Variants in VWA8 observed in about 807,000 individuals in gnomAD.
The protein encoded by VWA8 is von Willebrand factor A domain-containing protein 8.
In VWA8, 221 loss-of-function variants were observed where a neutral mutation model predicts 241.5. The ratio of observed to expected loss-of-function variants is 0.91; its 90% CI spans 0.82 to 1.02. The LOEUF (loss-of-function observed/expected upper bound fraction) is 1.02. VWA8 is among the 50% of genes least tolerant of loss of function. The pLI, the probability that VWA8 is intolerant of heterozygous loss-of-function variation, is 0.00. For synonymous variants in VWA8, 852 were observed against 827.1 expected (o/e 1.03, Z -0.52); for missense variants, 2,322 against 2,328.7 (o/e 1.00, Z 0.06).
At chr13:41,758,753 C>A (rs1414547251) in intron 21 of VWA8, among the ~76,000 whole-genome samples, 1 of 150,990 alleles carries the variant, frequency 6.6e-6, no homozygotes, top group African/African-American at 2.4e-5. Flanking sequence ...TTCTCCTAAT[C>A]ATGAGAAAAA....
chr13:41,933,290 T>C (rs539763717), intron 2 of VWA8, among the ~76,000 whole-genome samples: 6 of 152,034 alleles, frequency 3.9e-5, no homozygotes, highest in African/African-American at 1.4e-4. Flanking sequence ...CTGAAAACAA[T>C]ACAACATTGC....
At position 41,642,491 on chromosome 13, in the gene VWA8, G is replaced by A. The variant is rs186594833; in HGVS notation, c.4612-27407C>T. ...AGAGAATCGCTTGAACCTGGGAGGC[G>A]GAGACTACAGTGAGCCGAGATGGCG... On this transcript the variant is annotated intron_variant, in intron 37 of 44. Transcript: ENST00000379310. 2.8e-3 allele frequency among the ~76,000 whole-genome samples: 425 copies of A among 150,450 alleles called. 1 individual carries two copies. Among genetic ancestry groups the A allele is most frequent in the Non-Finnish European group, 4.8e-3 (326 of 67,674 alleles).
Position 41,819,396 on chromosome 13 carries a change from G to GA in VWA8, c.1701-11dup, listed in dbSNP as rs563984703. On this transcript the variant is annotated splice_polypyrimidine_tract_variant and intron_variant, in intron 14 of 44. Transcript: ENST00000379310. ...GATAGGAAAAATGGATCTAAAATAGGAAAAAAAATGAAAAAAAATAACATA... is the reference window on the plus strand; with the variant it reads ...GATAGGAAAAATGGATCTAAAATAGGAAAAAAAAATGAAAAAAAATAACATA... 2.9e-4 allele frequency: 460 copies of GA among 1,577,966 alleles called. 5 individuals are homozygous for GA. In the South Asian group the frequency reaches 5.0e-3, roughly 17 times the overall value.
At chr13:41,916,347 T>A (rs76648162) in intron 2 of VWA8, among the ~76,000 whole-genome samples, 1 of 152,346 alleles carries the variant, frequency 6.6e-6, no homozygotes, top group African/African-American at 2.4e-5. Flanking sequence ...TGTTCTACAG[T>A]CCCTCCAAAA....
At chr13:41,672,017 G>A (rs936749814) in intron 36 of VWA8, among the ~76,000 whole-genome samples, 1 of 152,090 alleles carries the variant, frequency 6.6e-6, no homozygotes, top group Admixed American at 6.6e-5. Context: ...GCATTTTCCT[G>A]TATTTCCTGA....
At chr13:41,922,313 C>T (rs913373903) in intron 2 of VWA8, among the ~76,000 whole-genome samples, 2 of 152,194 alleles carry the variant, frequency 1.3e-5, no homozygotes, top group Non-Finnish European at 2.9e-5. Context: ...AAATGTTAGA[C>T]CTAAAACCAT....
chr13:41,855,638 T>C (rs955191252), intron 12 of VWA8, among the ~76,000 whole-genome samples: 2 of 151,928 alleles, frequency 1.3e-5, no homozygotes, highest in African/African-American at 4.8e-5. Context: ...CTAATGGGGA[T>C]AGAAAGCAGT....
intron 34 of VWA8, among the ~76,000 whole-genome samples, chr13:41,688,908 C>T (rs1431405348): frequency 6.6e-6 from 1 of 152,002 alleles, no homozygotes; most frequent in Non-Finnish European, 1.5e-5. Context: ...ACCATCTGTA[C>T]AACAAACTCC....
chr13:41,605,236 A>T lies in VWA8; in HGVS notation c.4918T>A (p.Tyr1640Asn). 4 of 1,613,198 alleles carry T rather than the reference A, an allele frequency of 2.5e-6. No homozygotes were observed. Among genetic ancestry groups the T allele is most frequent in the African/African-American group, 1.3e-5 (1 of 74,982 alleles). ...IQMSEYDAAT[Y>N]ERFSGAVRRQ... ...CGAACAGCACCTGAAAACCTTTCAT[A>T]GGTTGCAGCATCGTATTCACTCATT... Residue 1640 changes from tyrosine to asparagine, a missense_variant, in exon 40 of 45, where the codon TAT becomes AAT. By Grantham distance (143) the Tyr-to-Asn change is moderately radical. Transcript: ENST00000379310.
intron 22 of VWA8, among the ~76,000 whole-genome samples, chr13:41,730,299 C>T (rs752437792): frequency 2.0e-5 from 3 of 151,916 alleles, no homozygotes; most frequent in Non-Finnish European, 4.4e-5. Flanking sequence ...TGGGTGTCTA[C>T]CACTAAGGGT....
At position 41,745,612 on chromosome 13, in the gene VWA8, T is replaced by C. The variant is rs532692306; in HGVS notation, c.2427-13457A>G. Among the ~76,000 whole-genome samples the C allele has an allele frequency of 1.6e-4, 24 of 152,270 alleles. No individual in the cohort carries two copies. In the South Asian group the frequency reaches 2.9e-3, roughly 18 times the overall value. ...GCCAACAGACACATGAAAAAATGCT[T>C]ATCATCACTGATCATCAGAGAAATG... On this transcript the variant is annotated intron_variant, in intron 21 of 44. Transcript: ENST00000379310.
At chr13:41,712,976 G>T (rs981362024) in intron 26 of VWA8, among the ~76,000 whole-genome samples, 1 of 152,184 alleles carries the variant, frequency 6.6e-6, no homozygotes, top group Non-Finnish European at 1.5e-5. Context: ...ATATGTTTAT[G>T]TTGACACCTA....
At chr13:41,665,811 G>A (rs988299723) in intron 37 of VWA8, among the ~76,000 whole-genome samples, 2 of 151,814 alleles carry the variant, frequency 1.3e-5, no homozygotes, top group East Asian at 1.9e-4. Flanking sequence ...ATTATCCTAC[G>A]GCCTGTCTTG....
At chr13:41,718,359 A>G (rs1463631937) in intron 26 of VWA8, among the ~76,000 whole-genome samples, 1 of 152,054 alleles carries the variant, frequency 6.6e-6, no homozygotes, top group East Asian at 1.9e-4. Flanking sequence ...AATTTGTTAT[A>G]CCCATTAAAT....
chr13:41,846,809 G>T (rs1308270258), intron 12 of VWA8, among the ~76,000 whole-genome samples: 1 of 152,200 alleles, frequency 6.6e-6, no homozygotes, highest in Non-Finnish European at 1.5e-5. Flanking sequence ...GGCCAAGGTA[G>T]GCGGATCACC....
At chr13:41,667,136 A>G (rs1024278018) in intron 37 of VWA8, among the ~76,000 whole-genome samples, 2 of 152,230 alleles carry the variant, frequency 1.3e-5, no homozygotes, top group Non-Finnish European at 2.9e-5. Flanking sequence ...ATAGTCAGCC[A>G]GTTAAATAAC....
intron 21 of VWA8, among the ~76,000 whole-genome samples, chr13:41,734,845 C>T (rs2137869295): frequency 6.6e-6 from 1 of 152,246 alleles, no homozygotes; most frequent in African/African-American, 2.4e-5. Context: ...AAAGATAAAG[C>T]CCTGTGGGAT....
intron 42 of VWA8, among the ~76,000 whole-genome samples, chr13:41,582,554 G>T (rs1270460388): frequency 6.6e-6 from 1 of 152,180 alleles, no homozygotes; most frequent in East Asian, 1.9e-4. Context: ...GACCCCATGT[G>T]TGATGCCATT....
At chr13:41,815,530 C>T (rs1870652718) in intron 16 of VWA8, among the ~76,000 whole-genome samples, 1 of 152,080 alleles carries the variant, frequency 6.6e-6, no homozygotes, top group Non-Finnish European at 1.5e-5. Context: ...AAGATGAAGG[C>T]AGGATTGATA....
Sources: allele counts gnomAD v4.1 joint callset (sites outside exome capture counted in the v4.1 genomes callset), GRCh38; gene constraint gnomAD v4.1.1; transcripts MANE v1.5; gene names NCBI Gene and HGNC (gene_info 2026-07-23, HGNC 2026-07-21).